Variants in MKRN2OS observed in about 807,000 individuals in gnomAD.
MKRN2OS encodes MKRN2 opposite strand protein.
In MKRN2OS, 17 loss-of-function variants were observed where a neutral mutation model predicts 18.2. That is an observed-to-expected ratio of 0.93 (90% confidence interval 0.64 to 1.40). MKRN2OS has a LOEUF of 1.40. MKRN2OS is among the 40% of genes most tolerant of loss of function. The pLI, the probability that MKRN2OS is intolerant of heterozygous loss-of-function variation, is 0.00. For missense variants in MKRN2OS, 337 were observed against 283.0 expected (o/e 1.19, Z -1.37); for synonymous variants, 121 against 108.5 (o/e 1.12, Z -0.72).
chr3:12,540,117 A>G lies in MKRN2OS; in HGVS notation c.*76T>C, dbSNP rs1358118841. 24 of 1,522,356 alleles carry G rather than the reference A, an allele frequency of 1.6e-5. No individual in the cohort carries two copies. The highest frequency in any genetic ancestry group is 1.8e-5 in the Non-Finnish European group (21 of 1,137,050). The allele number at this position is 1,522,356 out of a possible 1,614,324, so 94.3% of individuals were successfully genotyped here. Reference sequence around the variant, plus strand: ...GCTTTTATTAACCACAGTTAAATGCATTTAGAAATCCATAGTACTGATTAA... The same window carrying G: ...GCTTTTATTAACCACAGTTAAATGCGTTTAGAAATCCATAGTACTGATTAA... On this transcript the variant is annotated 3_prime_UTR_variant, in exon 4 of 4. Coordinates refer to ENST00000564146, the MANE Select transcript of MKRN2OS (RefSeq NM_001195279.2).
downstream of MKRN2OS, among the ~76,000 whole-genome samples, chr3:12,550,882 G>A (rs1211777164): frequency 6.6e-6 from 1 of 152,150 alleles, no homozygotes; most frequent in Non-Finnish European, 1.5e-5. Flanking sequence ...TTTGCTGTGT[G>A]ACTCGAATAC....
chr3:12,545,420 G>GC lies in MKRN2OS; in HGVS notation c.44_45insG (p.His15GlnfsTer3). 6.5e-7 allele frequency: 1 copy of GC among 1,535,236 alleles called. No individual in the cohort carries two copies. Among genetic ancestry groups the GC allele is most frequent in the Non-Finnish European group, 8.7e-7 (1 of 1,146,562 alleles). On this transcript the variant is annotated frameshift_variant, in exon 1 of 4. Coordinates refer to ENST00000564146, the MANE Select transcript of MKRN2OS (RefSeq NM_001195279.2). LOFTEE classifies it high-confidence loss of function. Reference sequence around the variant, plus strand: ...TGAAGCTGTAGATGTATTTCTCACAGTGGTTGAATTTAATTAAAGCCTTCC... The same window carrying GC: ...TGAAGCTGTAGATGTATTTCTCACAGCTGGTTGAATTTAATTAAAGCCTTCC...
At chr3:12,547,719 C>T (rs1413216548), upstream of MKRN2OS, among the ~76,000 whole-genome samples, 5 of 152,070 alleles carry the variant, frequency 3.3e-5, no homozygotes, top group Non-Finnish European at 5.9e-5. Context: ...GCCTGTAATT[C>T]CAAAGATAAG....
At chr3:12,559,310 A>G (rs1176196036) in intron 1 of MKRN2OS, among the ~76,000 whole-genome samples, 6 of 152,160 alleles carry the variant, frequency 3.9e-5, no homozygotes, top group Non-Finnish European at 8.8e-5. Context: ...AGCTTTTCTC[A>G]CTTTATTATC....
At position 12,541,896 on chromosome 3, in the gene MKRN2OS, TC is replaced by T; in HGVS notation, c.394del (p.Glu132LysfsTer33). ...GMMEQWDKYL[E>X]DFSTSGAWLP... ...CCAGGCCCCCGAGGTGGAGAAGTCT[TC>T]CAGGTACTTGTCCCATTGCTCCATC... On this transcript the variant is annotated frameshift_variant, in exon 3 of 4. Transcript: ENST00000564146. LOFTEE classifies it low-confidence loss of function (END_TRUNC). 1 of 1,536,006 alleles carries T rather than the reference TC, an allele frequency of 6.5e-7. No homozygotes were observed.
rs192718378 is a variant in MKRN2OS at position 12,540,446 on chromosome 3, A to T, written c.432-13T>A. ...GTTGTCTTCATACCTTATGGAGGAG[A>T]ATAAGGGTGTTGAGAAGAAAAGGCT... On this transcript the variant is annotated splice_polypyrimidine_tract_variant and intron_variant, in intron 3 of 3. Transcript: ENST00000564146. 4.3e-4 allele frequency: 656 copies of T among 1,535,822 alleles called. No individual in the cohort carries two copies. The highest frequency in any genetic ancestry group is 5.4e-4 in the Non-Finnish European group (615 of 1,146,782).
chr3:12,544,626 A>C (rs1249720918), intron 1 of MKRN2OS, among the ~76,000 whole-genome samples: 1 of 151,814 alleles, frequency 6.6e-6, no homozygotes, highest in Admixed American at 6.6e-5. Flanking sequence ...AGGTTGCAGT[A>C]AGCTGAGACA....
chr3:12,548,693 A>G (rs140808109), upstream of MKRN2OS, among the ~76,000 whole-genome samples: 3 of 152,164 alleles, frequency 2.0e-5, no homozygotes, highest in Non-Finnish European at 4.4e-5. Context: ...GACCCAAGCC[A>G]CTTTAAATTG....
chr3:12,557,138 C>CA (rs1559384959), intron 1 of MKRN2OS: 1 of 1,512,286 alleles, frequency 6.6e-7, no homozygotes, highest in African/African-American at 1.4e-5. Context: ...GACGGTCCCT[C>CA]AGCCCAGCCA....
chr3:12,543,287 G>A lies in MKRN2OS; in HGVS notation c.219-58C>T. On this transcript the variant is annotated intron_variant, in intron 1 of 3. Coordinates refer to ENST00000564146, the MANE Select transcript of MKRN2OS (RefSeq NM_001195279.2). ...TGCATGTATTTGGCATGAAGAATTG[G>A]CATTTAAAGTAGGAGGATGCCGAGC... The A allele has an allele frequency of 3.5e-6, 5 of 1,426,880 alleles. No homozygotes were observed. The Admixed American group carries it at 1.0e-4, about 29-fold the overall frequency. 88.4% of individuals were successfully genotyped at this position (1,426,880 alleles called of 1,614,324 possible).
chr3:12,548,483 C>A (rs9861813), upstream of MKRN2OS, among the ~76,000 whole-genome samples: 8,829 of 15,018 alleles, frequency 0.59, 1,475 homozygotes, highest in East Asian at 0.77. Flanking sequence ...AAAAAAAAAA[C>A]CAGCCGAGCG....
At position 12,541,908 on chromosome 3, in the gene MKRN2OS, T is replaced by A. The variant is rs746840635; in HGVS notation, c.383A>T (p.Asp128Val). 6.5e-7 allele frequency: 1 copy of A among 1,536,038 alleles called. No homozygotes were observed. Among genetic ancestry groups the A allele is most frequent in the South Asian group, 1.2e-5 (1 of 84,046 alleles). ...GGTGGAGAAGTCTTCCAGGTACTTG[T>A]CCCATTGCTCCATCATTCCATACAT... ...PNMYGMMEQW[D>V]KYLEDFSTSG... Residue 128 changes from aspartate (D) to valine (V), a missense_variant, in exon 3 of 4, where the codon GAC becomes GTC. Transcript: ENST00000564146.
At chr3:12,543,874 A>G (rs2057850103) in intron 1 of MKRN2OS, among the ~76,000 whole-genome samples, 1 of 147,678 alleles carries the variant, frequency 6.8e-6, no homozygotes, top group Non-Finnish European at 1.5e-5. Flanking sequence ...CCTGGGCAAC[A>G]GAGTAAGACC....
upstream of MKRN2OS, among the ~76,000 whole-genome samples, chr3:12,547,987 A>T (rs1202967234): frequency 6.6e-6 from 1 of 152,156 alleles, no homozygotes; most frequent in Non-Finnish European, 1.5e-5. Flanking sequence ...CAGGTGACAA[A>T]GACCTGAGAT....
At position 12,540,428 on chromosome 3, in the gene MKRN2OS, T is replaced by G; in HGVS notation, c.437A>C (p.Glu146Ala). 6.5e-7 allele frequency: 1 copy of G among 1,536,128 alleles called. No homozygotes were observed. The highest frequency in any genetic ancestry group is 1.2e-5 in the South Asian group (1 of 84,060). The stretch of plus-strand genomic sequence containing the variant: ...AGAGTAGCAGTTATGGTGGTTGTCT[T>G]CATACCTTATGGAGGAGAATAAGGG... ...TSGAWLPHRY[E>A]DNHHNCYSYA... The change falls in exon 4 of 4, where the codon GAA becomes GCA. Residue 146 changes from glutamate to alanine, a missense_variant. Physicochemically the swap from Glu to Ala is moderately radical, Grantham distance 107. Coordinates refer to ENST00000564146, the MANE Select transcript of MKRN2OS (RefSeq NM_001195279.2).
chr3:12,540,698 AC>A (rs1310035772), intron 3 of MKRN2OS, among the ~76,000 whole-genome samples: 1 of 151,890 alleles, frequency 6.6e-6, no homozygotes, highest in Non-Finnish European at 1.5e-5. Context: ...ACATGGTGAA[AC>A]CCCGTCCCTA....
upstream of MKRN2OS, among the ~76,000 whole-genome samples, chr3:12,548,754 A>G (rs1468461101): frequency 1.3e-5 from 2 of 152,220 alleles, no homozygotes; most frequent in African/African-American, 2.4e-5. Flanking sequence ...TAATCTCATG[A>G]AAAGGGATTG....
At chr3:12,553,922 G>C (rs905128481) in exon 2 of MKRN2OS, 2 of 152,138 alleles carry the variant, frequency 1.3e-5, no homozygotes, top group East Asian at 1.9e-4. Context: ...ATCGAAAACC[G>C]CTTCTAGGGG....
intron 2 of MKRN2OS, among the ~76,000 whole-genome samples, chr3:12,542,277 G>C (rs968388468): frequency 6.6e-5 from 10 of 152,116 alleles, no homozygotes; most frequent in Non-Finnish European, 1.3e-4. Flanking sequence ...GCTGTTGAGG[G>C]CTGTGAAGTT....
Sources: gnomAD v4.1 joint callset for allele counts (sites outside exome capture counted in the v4.1 genomes callset) on GRCh38, gnomAD v4.1.1 for gene constraint, MANE v1.5 for transcripts, NCBI Gene and HGNC (gene_info 2026-07-23, HGNC 2026-07-21) for gene names.